NPRL3: variants seen among roughly 807,000 people sequenced by gnomAD.
The protein encoded by NPRL3 is NPR3 like, GATOR1 complex subunit, also known as GATOR1 complex protein NPRL3.
NPRL3 carries 23 observed loss-of-function variants against 57.2 expected under a neutral mutation model. The ratio of observed to expected loss-of-function variants is 0.40; its 90% confidence interval spans 0.29 to 0.57. The LOEUF (loss-of-function observed/expected upper bound fraction) is 0.57. Among genes scored for constraint, NPRL3 ranks in the 20% least tolerant of loss-of-function variants. The probability of loss-of-function intolerance (pLI) is 0.42; values close to 1 mark genes in which losing one functional copy is unlikely to be tolerated. For synonymous variants in NPRL3, 333 were observed against 321.1 expected (o/e 1.04, Z -0.39); for missense variants, 691 against 767.1 (o/e 0.90, Z 1.17).
In NPRL3 at chr16:135,340, C is replaced by G. The variant is rs377441746; in HGVS notation, c.118+2810G>C. ...GATTAGCCTTCACCTTATGCCAAGA[C>G]AAACACATTTAAAAACAAGACATAC... On this transcript the variant is annotated intron_variant, in intron 2 of 13. Transcript: ENST00000611875. Among the ~76,000 whole-genome samples the G allele has an allele frequency of 3.4e-4, 51 of 152,230 alleles. 2 individuals are homozygous for G. The South Asian group carries it at 9.9e-3, about 30-fold the overall frequency.
At chr16:133,958 T>C (rs570659565) in intron 2 of NPRL3, among the ~76,000 whole-genome samples, 1 of 152,196 alleles carries the variant, frequency 6.6e-6, no homozygotes, top group Admixed American at 6.5e-5. Context: ...CACACAATTA[T>C]TGATGAAACT....
intron 5 of NPRL3, among the ~76,000 whole-genome samples, chr16:113,410 T>C (rs1384874039): frequency 6.6e-6 from 1 of 152,206 alleles, no homozygotes; most frequent in Non-Finnish European, 1.5e-5. Context: ...TCCAGGCCCA[T>C]ATCTCTGCCC....
At chr16:130,344 A>G (rs1258325799) in intron 3 of NPRL3, among the ~76,000 whole-genome samples, 178 bp downstream of exon 3, 1 of 152,204 alleles carries the variant, frequency 6.6e-6, no homozygotes, top group Non-Finnish European at 1.5e-5. Context: ...TTATTCAGCA[A>G]GCCCCAGACT....
chr16:93,448 A>G (rs1898851380), intron 9 of NPRL3, 123 bp from the exon 10 acceptor site: 1 of 681,032 alleles, frequency 1.5e-6, no homozygotes, highest in Non-Finnish European at 2.7e-6. Flanking sequence ...AGCCTCATGC[A>G]GAACACACCT....
chr16:123,375 A>T, intron 3 of NPRL3: 1 of 407,894 alleles, frequency 2.5e-6, no homozygotes, highest in Admixed American at 2.9e-5. Context: ...GAACTGGGGC[A>T]GTGAGGTCCA....
intron 2 of NPRL3, 42 bp downstream of exon 2, chr16:138,108 C>T (rs923815900): frequency 6.7e-7 from 1 of 1,486,206 alleles, no homozygotes; most frequent in Non-Finnish European, 9.2e-7. Flanking sequence ...CGGAATGAGG[C>T]GGCCCCCGCG....
chr16:118,358 T>C (rs990253808), intron 4 of NPRL3, among the ~76,000 whole-genome samples: 2 of 152,294 alleles, frequency 1.3e-5, no homozygotes, highest in African/African-American at 4.8e-5. Context: ...ATGACACCTA[T>C]TCATCAAGAG....
At chr16:116,928 T>C (rs926063164) in intron 5 of NPRL3, among the ~76,000 whole-genome samples, 5 of 151,692 alleles carry the variant, frequency 3.3e-5, no homozygotes, top group Non-Finnish European at 4.4e-5. Flanking sequence ...TGAGCCAAGA[T>C]TGCGCTACTA....
chr16:138,319 CGGAGGCGGAGGG>C lies in NPRL3; in HGVS notation c.-64_-53del. 1 of 857,036 alleles carries C rather than the reference CGGAGGCGGAGGG, an allele frequency of 1.2e-6. No individual in the cohort carries two copies. Among genetic ancestry groups the C allele is most frequent in the Non-Finnish European group, 1.5e-6 (1 of 686,944 alleles). The allele number at this position is 857,036 out of a possible 1,614,324, so 53.1% of individuals were successfully genotyped here. A position where few individuals can be genotyped will look rare whatever the true frequency, so the allele number is the denominator to read the frequency against. ...GGAGGGGGCCAGAGGAGGACGGAGC[CGGAGGCGGAGGG>C]GGCCTGAGGAGGACGGAGCCGGAGG... On this transcript the variant is annotated 5_prime_UTR_variant, in exon 2 of 14. Coordinates refer to ENST00000611875, the MANE Select transcript of NPRL3 (RefSeq NM_001077350.3).
At chr16:119,447 G>C (rs1042084213) in intron 3 of NPRL3, 192 bp from the exon 4 acceptor site, 1 of 605,478 alleles carries the variant, frequency 1.7e-6, no homozygotes, top group Non-Finnish European at 2.9e-6. Context: ...AAGATCACCA[G>C]AATTACAAGG....
chr16:114,486 T>C (rs1370346584), intron 5 of NPRL3, among the ~76,000 whole-genome samples: 1 of 152,210 alleles, frequency 6.6e-6, no homozygotes, highest in African/African-American at 2.4e-5. Flanking sequence ...CAGAGTTAAC[T>C]TGTAGTTTGA....
intron 3 of NPRL3, among the ~76,000 whole-genome samples, chr16:120,610 C>T (rs192238812): frequency 6.6e-5 from 10 of 152,304 alleles, no homozygotes; most frequent in Admixed American, 2.0e-4. Flanking sequence ...AAACCACATA[C>T]GAGGGTTTGG....
chr16:117,425 G>T, intron 4 of NPRL3, 50 bp from the exon 5 acceptor site: 2 of 1,300,822 alleles, frequency 1.5e-6, no homozygotes, highest in Non-Finnish European at 2.2e-6. Flanking sequence ...TCTAAGGAAA[G>T]CTGTTTAGAG....
In NPRL3 at chr16:85,870, T is replaced by C. The variant is rs1898444328; in HGVS notation, c.*835A>G. On this transcript the variant is annotated 3_prime_UTR_variant, in exon 14 of 14. Transcript: ENST00000611875. The stretch of plus-strand genomic sequence containing the variant: ...AACTGTGCCTTAGCCAGAGCTCCTC[T>C]AGGTGATCAACCCATGTCTGGAGCT... The C allele has an allele frequency of 7.5e-7, 1 of 1,331,914 alleles. No homozygotes were observed. Among genetic ancestry groups the C allele is most frequent in the Non-Finnish European group, 9.7e-7 (1 of 1,031,480 alleles). 82.5% of individuals were successfully genotyped at this position (1,331,914 alleles called of 1,614,324 possible).
Position 89,779 on chromosome 16 carries a change from G to C in NPRL3, c.1285C>G (p.Pro429Ala), listed in dbSNP as rs1246498899. 1.2e-6 allele frequency: 2 copies of C among 1,601,744 alleles called. No individual in the cohort carries two copies. The highest frequency in any genetic ancestry group is 2.2e-5 in the South Asian group (2 of 89,122). Reference sequence around the variant, plus strand: ...CGACCGCCGACCCGGGCAGTGAAGGGGACGTCGTCCTCTCGCGGACGGGGC... The same window carrying C: ...CGACCGCCGACCCGGGCAGTGAAGGCGACGTCGTCCTCTCGCGGACGGGGC... ...EEPRPREDDV[P>A]FTARVGGRSL... The change falls in exon 12 of 14, where the codon CCC becomes GCC. Residue 429 changes from proline (P) to alanine (A), a missense_variant. By Grantham distance (27) the Pro-to-Ala change is conservative. Coordinates refer to ENST00000611875, the MANE Select transcript of NPRL3 (RefSeq NM_001077350.3).
At chr16:123,460 G>T in intron 3 of NPRL3, 1 of 470,078 alleles carries the variant, frequency 2.1e-6, no homozygotes, top group Non-Finnish European at 4.4e-6. Flanking sequence ...AGAAGAGAAG[G>T]CAGCCGGAAT....
At chr16:117,158 A>C (rs1900078938) in intron 5 of NPRL3, 143 bp downstream of exon 5, 1 of 605,672 alleles carries the variant, frequency 1.7e-6, no homozygotes, top group African/African-American at 1.9e-5. Flanking sequence ...GGGGTAAACA[A>C]TGAAGTGCAG....
At chr16:132,314 T>C (rs542341048) in intron 2 of NPRL3, among the ~76,000 whole-genome samples, 70 of 152,296 alleles carry the variant, frequency 4.6e-4, no homozygotes, top group African/African-American at 1.7e-3. Flanking sequence ...GCCCAGAAAC[T>C]GCTTTCTTTG....
intron 2 of NPRL3, among the ~76,000 whole-genome samples, chr16:135,608 C>CAAAA (rs555589072): frequency 1.8e-4 from 10 of 56,802 alleles, no homozygotes; most frequent in East Asian, 4.9e-4. Flanking sequence ...GACTCTGTCT[C>CAAAA]AAAAAAAAAA....
Sources: gnomAD v4.1 joint callset for allele counts (sites outside exome capture counted in the v4.1 genomes callset) on GRCh38, gnomAD v4.1.1 for gene constraint, MANE v1.5 for transcripts, NCBI Gene and HGNC (gene_info 2026-07-23, HGNC 2026-07-21) for gene names.